The following ASAP3 variants were observed in gnomAD, a reference collection of about 807,000 sequenced individuals.
ASAP3 encodes arf-GAP with SH3 domain, ANK repeat and PH domain-containing protein 3.
Under a neutral mutation model 118.2 loss-of-function variants are expected in ASAP3, and 85 were observed. The ratio of observed to expected loss-of-function variants is 0.72; its 90% CI spans 0.60 to 0.86. The LOEUF is 0.86. Among genes scored for constraint, ASAP3 ranks in the 40% least tolerant of loss-of-function variants. The pLI is 0.00. For missense variants in ASAP3, 1,026 were observed against 1,175.0 expected (o/e 0.87, Z 1.85); for synonymous variants, 432 against 477.4 (o/e 0.90, Z 1.24).
intron 5 of ASAP3, among the ~76,000 whole-genome samples, 190 bp downstream of exon 5, chr1:23,451,289 C>A (rs751481830): frequency 6.6e-6 from 1 of 152,126 alleles, no homozygotes; most frequent in Admixed American, 6.5e-5. Flanking sequence ...CACAATAGCT[C>A]CTTTGGTGGT....
At chr1:23,484,230 G>C, upstream of ASAP3, 5 of 1,154,056 alleles carry the variant, frequency 4.3e-6, no homozygotes, top group Non-Finnish European at 5.4e-6. Flanking sequence ...GCGCCGTCCC[G>C]GCCTCCACAC....
chr1:23,433,345 C>G (rs1000948715), intron 21 of ASAP3, 73 bp from the exon 22 acceptor site: 1 of 1,611,792 alleles, frequency 6.2e-7, no homozygotes, highest in African/African-American at 1.3e-5. Flanking sequence ...CGCCTCACCG[C>G]CCCCGCCAAC....
Position 23,437,548 on chromosome 1 carries a change from A to G in ASAP3, c.1103-76T>C. The G allele has an allele frequency of 1.9e-6, 3 of 1,569,596 alleles. No homozygotes were observed. The highest frequency in any genetic ancestry group is 2.6e-6 in the Non-Finnish European group (3 of 1,147,336). ...CCGGAGCCCAGGGAGCCCCCACCAAAGCCGCTGGGGCCACATGGAGATGTG... is the reference window on the plus strand; with the variant it reads ...CCGGAGCCCAGGGAGCCCCCACCAAGGCCGCTGGGGCCACATGGAGATGTG... On this transcript the variant is annotated intron_variant, in intron 12 of 24. Transcript: ENST00000336689. The surrounding 1 kb of genome is among the most constrained non-coding windows in gnomAD (Gnocchi z 6.1).
In ASAP3 at chr1:23,436,999, T is replaced by C. The variant is rs547079352; in HGVS notation, c.1388A>G (p.Gln463Arg). The C allele has an allele frequency of 1.9e-5, 30 of 1,612,306 alleles. No homozygotes were observed. In the Admixed American group the frequency reaches 2.2e-4, roughly 12 times the overall value. The change falls in exon 15 of 25, where the codon CAG becomes CGG. Residue 463 changes from glutamine to arginine, a missense_variant. Physicochemically the swap from Gln to Arg is conservative, Grantham distance 43. Coordinates refer to ENST00000336689, the MANE Select transcript of ASAP3 (RefSeq NM_017707.4). The surrounding 1 kb of genome is among the most constrained non-coding windows in gnomAD (Gnocchi z 4.2). ...CAGTTCGCGGTGGACGCCCGAGCACTGGATGCAGGTGAGCACGCCCAGGTT... is the reference window on the plus strand; with the variant it reads ...CAGTTCGCGGTGGACGCCCGAGCACCGGATGCAGGTGAGCACGCCCAGGTT... ...STNLGVLTCIQCSGVHRELGV... is the reference protein window; with the variant it reads ...STNLGVLTCIRCSGVHRELGV...
At chr1:23,449,636 C>T (rs1480209873) in intron 5 of ASAP3, among the ~76,000 whole-genome samples, 2 of 152,196 alleles carry the variant, frequency 1.3e-5, no homozygotes, top group African/African-American at 4.8e-5. Flanking sequence ...AAGACATTAG[C>T]TCAAACTATG....
Position 23,451,497 on chromosome 1 carries a change from T to C in ASAP3, c.455A>G (p.Lys152Arg). The C allele has an allele frequency of 6.2e-7, 1 of 1,614,256 alleles. No individual in the cohort carries two copies. Among genetic ancestry groups the C allele is most frequent in the Non-Finnish European group, 8.5e-7 (1 of 1,180,046 alleles). ...CACTTACATTTTGGCTTCATAGTCC[T>C]TCCATGCCTTCTCCAGCTGTTTTTT... ...DSKKQLEKAW[K>R]DYEAKMAKLE... Residue 152 changes from lysine to arginine, a missense_variant, in exon 5 of 25, where the codon AAG becomes AGG. Coordinates refer to ENST00000336689, the MANE Select transcript of ASAP3 (RefSeq NM_017707.4).
At position 23,437,462 on chromosome 1, in the gene ASAP3, C is replaced by A. The variant is rs755162074; in HGVS notation, c.1113G>T (p.Thr371=). ...KCFDLVTHNR[T]YHFQAEDEHE... is the part of the protein sequence containing the mutation. ...GCTCGTCCTCTGCCTGAAAGTGGTA[C>A]GTCCGGTTGTCTGTCGGGAGAGAAG... The change falls in exon 13 of 25, where the codon ACG becomes ACT. Residue 371 remains threonine, a synonymous_variant. Transcript: ENST00000336689. This position sits in a 1 kb window ranked among gnomAD's most constrained non-coding sequence, Gnocchi z 6.1. 2.5e-6 allele frequency: 4 copies of A among 1,614,120 alleles called. No homozygotes were observed. Among genetic ancestry groups the A allele is most frequent in the Non-Finnish European group, 2.5e-6 (3 of 1,179,996 alleles).
chr1:23,483,892 G>A (rs1642397569), intron 1 of ASAP3, 113 bp downstream of exon 1: 4 of 1,093,768 alleles, frequency 3.7e-6, no homozygotes, highest in South Asian at 4.3e-5. Context: ...CTAGGGAGGG[G>A]GCAGGTTTCG....
In ASAP3 at chr1:23,429,593, G is replaced by A. The variant is rs549138040; in HGVS notation, c.*263C>T. On this transcript the variant is annotated 3_prime_UTR_variant, in exon 25 of 25. Coordinates refer to ENST00000336689, the MANE Select transcript of ASAP3 (RefSeq NM_017707.4). ...TTCTGCAGCTGAAGCCAGCTCAGGA[G>A]CACTCAGATCCAGCCACAGGGCTCC... The A allele has an allele frequency of 6.6e-4, 238 of 361,348 alleles. 1 individual carries two copies. The highest frequency in any genetic ancestry group is 7.7e-4 in the Non-Finnish European group (151 of 195,746). 22.4% of individuals were successfully genotyped at this position (361,348 alleles called of 1,614,324 possible).
At chr1:23,431,655 CA>C in intron 23 of ASAP3, 40 bp downstream of exon 23, 1 of 1,496,428 alleles carries the variant, frequency 6.7e-7, no homozygotes, top group South Asian at 1.4e-5. Flanking sequence ...TCAGAGAAGT[CA>C]GGGGATTTGC....
At chr1:23,466,260 G>A (rs1343763372) in intron 1 of ASAP3, among the ~76,000 whole-genome samples, 1 of 152,188 alleles carries the variant, frequency 6.6e-6, no homozygotes, top group African/African-American at 2.4e-5. Flanking sequence ...AATACTTTAG[G>A]TGCTAGAGAG....
chr1:23,432,560 A>G (rs1241854749), intron 22 of ASAP3, among the ~76,000 whole-genome samples: 5 of 151,934 alleles, frequency 3.3e-5, no homozygotes, highest in Admixed American at 3.3e-4. Flanking sequence ...AACTGCCCCA[A>G]CCTCCCACAA....
chr1:23,456,099 G>A, intron 2 of ASAP3, 23 bp downstream of exon 2: 2 of 1,614,074 alleles, frequency 1.2e-6, no homozygotes, highest in Non-Finnish European at 1.7e-6. Flanking sequence ...TGACCAGGCG[G>A]GGCACCCAGG....
intron 5 of ASAP3, among the ~76,000 whole-genome samples, chr1:23,447,758 G>A (rs1641093935): frequency 6.6e-6 from 1 of 152,120 alleles, no homozygotes; most frequent in African/African-American, 2.4e-5. Context: ...TTGAATGCTA[G>A]TAGAGATTAA....
At chr1:23,484,349 G>A, upstream of ASAP3, 1 of 407,720 alleles carries the variant, frequency 2.5e-6, no homozygotes, top group Non-Finnish European at 3.8e-6. Context: ...CAAGGTCCAG[G>A]CTCCGGCCCC....
intron 1 of ASAP3, among the ~76,000 whole-genome samples, chr1:23,476,833 C>A (rs1415412698): frequency 6.6e-6 from 1 of 152,136 alleles, no homozygotes; most frequent in East Asian, 1.9e-4. Flanking sequence ...ATCTGGAGCA[C>A]CCCCATACCA....
chr1:23,454,999 G>C (rs1641336362), intron 3 of ASAP3, among the ~76,000 whole-genome samples: 1 of 152,248 alleles, frequency 6.6e-6, no homozygotes, highest in Non-Finnish European at 1.5e-5. Context: ...CAACCAGGGA[G>C]GATGCTGGGT....
intron 1 of ASAP3, among the ~76,000 whole-genome samples, chr1:23,462,329 CTG>C (rs887676512): frequency 6.6e-6 from 1 of 151,118 alleles, no homozygotes; most frequent in African/African-American, 2.4e-5. Context: ...CGGCCACAAA[CTG>C]TTTTTCGATG....
chr1:23,437,191 C>T lies in ASAP3; in HGVS notation c.1281G>A (p.Leu427=). The change falls in exon 14 of 25, where the codon CTG becomes CTA. Residue 427 remains leucine, a synonymous_variant. Transcript: ENST00000336689. The surrounding 1 kb of genome is among the most constrained non-coding windows in gnomAD (Gnocchi z 6.1). ...HDGEPHDLTK[L]LIAEVKSRPG... ...GCCTGCTCTTCACCTCCGCGATGAG[C>T]AGCTTTGTGAGGTCGTGCGGCTCCC... 6.2e-7 allele frequency: 1 copy of T among 1,606,948 alleles called. No homozygotes were observed. The highest frequency in any genetic ancestry group is 8.5e-7 in the Non-Finnish European group (1 of 1,177,100).
Sources: gnomAD v4.1 joint callset for allele counts (sites outside exome capture counted in the v4.1 genomes callset) on GRCh38, gnomAD v4.1.1 for gene constraint, Gnocchi (gnomAD v3.1) non-coding constraint, MANE v1.5 for transcripts, NCBI Gene and HGNC (gene_info 2026-07-23, HGNC 2026-07-21) for gene names.